GIT2: variants seen among roughly 807,000 people sequenced by gnomAD.
The protein encoded by GIT2 is ARF GTPase-activating protein GIT2.
In GIT2, 32 loss-of-function variants were observed where a neutral mutation model predicts 100.3. The observed-to-expected ratio is 0.32, with a 90% CI of 0.24 to 0.43. The LOEUF (loss-of-function observed/expected upper bound fraction) is 0.43. Ranked by LOEUF, GIT2 falls within the 20% of genes least tolerant of loss-of-function variation. The pLI, the probability that GIT2 is intolerant of heterozygous loss-of-function variation, is 1.00. For missense variants in GIT2, 737 were observed against 975.1 expected, an observed-to-expected ratio of 0.76 and a Z score of 3.25; for synonymous variants, 353 against 364.1, an observed-to-expected ratio of 0.97 and a Z score of 0.35.
chr12:109,996,262 G>A lies in GIT2; in HGVS notation c.-38C>T, dbSNP rs190350571. On this transcript the variant is annotated 5_prime_UTR_variant, in exon 1 of 20. Transcript: ENST00000355312. ...CCACCTGCGGGGAACTAGAGGCCGG[G>A]GGACAGCAAAGGCGGCGGTGGCGGC... is the stretch of plus-strand genomic sequence containing the variant. The A allele has an allele frequency of 9.3e-5, 137 of 1,467,186 alleles. No individual in the cohort carries two copies. The East Asian group carries it at 2.9e-3, about 31-fold the overall frequency. The allele number at this position is 1,467,186 out of a possible 1,614,324, so 90.9% of individuals were successfully genotyped here.
chr12:109,933,048 T>A lies in GIT2; in HGVS notation c.2210A>T (p.Gln737Leu). The A allele has an allele frequency of 6.2e-7, 1 of 1,613,652 alleles. No individual in the cohort carries two copies. Among genetic ancestry groups the A allele is most frequent in the Non-Finnish European group, 8.5e-7 (1 of 1,179,510 alleles). ...DVQLVTQQVI[Q>L]CAYDIAKAAK... ...AGCCTTGGCGATGTCGTACGCACAC[T>A]GGATGACCTGCTGCGTGACCAGCTG... is the stretch of plus-strand genomic sequence containing the variant. The change falls in exon 20 of 20, where the codon CAG becomes CTG. Residue 737 changes from glutamine to leucine, a missense_variant. Transcript: ENST00000355312. This position sits in a 1 kb window ranked among gnomAD's most constrained non-coding sequence, Gnocchi z 4.5.
In GIT2 at chr12:109,945,286, A is replaced by G. The variant is rs1308406773; in HGVS notation, c.1705T>C (p.Trp569Arg). Reference sequence around the variant, plus strand: ...CTTCGGGCGCTTTCGTCCCTCGACCAGGAAAGTGTGGAGGGGAAGGAAGGC... The same window carrying G: ...CTTCGGGCGCTTTCGTCCCTCGACCGGGAAAGTGTGGAGGGGAAGGAAGGC... ...SLPSFPSTLS[W>R]SRDESARRAS... The change falls in exon 16 of 20, where the codon TGG becomes CGG. Residue 569 changes from tryptophan (W) to arginine (R), a missense_variant. By Grantham distance (101) the Trp-to-Arg change is moderately radical. Around this residue, in one of 3 missense-constraint regions of GIT2, gnomAD observed 451 missense variants for 543.7 expected, o/e 0.83. Coordinates refer to ENST00000355312, the MANE Select transcript of GIT2 (RefSeq NM_057169.5). The G allele has an allele frequency of 1.3e-6, 2 of 1,575,656 alleles. No individual in the cohort carries two copies. The highest frequency in any genetic ancestry group is 1.7e-5 in the Admixed American group (1 of 59,896).
intron 1 of GIT2, 124 bp downstream of exon 1, chr12:109,996,049 C>T: frequency 1.6e-6 from 1 of 611,526 alleles, no homozygotes; most frequent in South Asian, 2.3e-5. Flanking sequence ...CACCCCAAGG[C>T]CGCCCAGGGA....
chr12:109,984,933 T>C (rs1189695212), intron 4 of GIT2, among the ~76,000 whole-genome samples: 1 of 152,182 alleles, frequency 6.6e-6, no homozygotes, highest in African/African-American at 2.4e-5. Flanking sequence ...ATTCTTGGCC[T>C]GTATAATATG....
chr12:109,996,175 G>A lies in GIT2; in HGVS notation c.50C>T (p.Pro17Leu). Residue 17 changes from proline to leucine, a missense_variant and splice_region_variant, in exon 1 of 20, where the codon CCG becomes CTG. Around this residue, in one of 3 missense-constraint regions of GIT2, gnomAD observed 266 missense variants for 376.2 expected, o/e 0.71. Coordinates refer to ENST00000355312, the MANE Select transcript of GIT2 (RefSeq NM_057169.5). The stretch of plus-strand genomic sequence containing the variant: ...CGGGCCCGGCCGGTGCGACTCACCC[G>A]GCCCGCTGCAGTCAGCGCACACCTC... ...SSEVCADCSG[P>L]DPSWASVNRG... 2.6e-6 allele frequency: 4 copies of A among 1,519,786 alleles called. No homozygotes were observed. The highest frequency in any genetic ancestry group is 1.7e-4 in the Middle Eastern group (1 of 5,834). 94.1% of individuals were successfully genotyped at this position (1,519,786 alleles called of 1,614,324 possible). A position where few individuals can be genotyped will look rare whatever the true frequency, so the allele number is the denominator to read the frequency against.
upstream of GIT2, chr12:109,999,125 C>G (rs1390074414): frequency 6.6e-6 from 1 of 152,312 alleles, no homozygotes; most frequent in African/African-American, 2.4e-5. This position sits in a 1 kb window ranked among gnomAD's most constrained non-coding sequence, Gnocchi z 4.3. Flanking sequence ...TGGTCCGGGG[C>G]TCAGTTGTCA....
In GIT2 at chr12:109,996,331, G is replaced by T; in HGVS notation, c.-107C>A. 1.3e-6 allele frequency: 1 copy of T among 743,368 alleles called. No homozygotes were observed. 46.0% of individuals were successfully genotyped at this position (743,368 alleles called of 1,614,324 possible). On this transcript the variant is annotated 5_prime_UTR_variant, in exon 1 of 20. Transcript: ENST00000355312. ...GGTCCCAGCTGCGGCGGCGCTGACG[G>T]CGGCGCCTCTCCCCTCAGCGCCTTG... is the stretch of plus-strand genomic sequence containing the variant.
At chr12:109,944,194 T>TA (rs964369827) in intron 16 of GIT2, among the ~76,000 whole-genome samples, 1 of 151,834 alleles carries the variant, frequency 6.6e-6, no homozygotes, top group African/African-American at 2.4e-5. Flanking sequence ...AAATAAAAAA[T>TA]AAAAAAACGA....
chr12:109,965,804 A>C (rs754863314), intron 8 of GIT2: 1 of 676,480 alleles, frequency 1.5e-6, no homozygotes, highest in South Asian at 1.4e-5. Flanking sequence ...AAGAGGAAAA[A>C]AAAATCGTCC....
chr12:109,959,890 G>A lies in GIT2; in HGVS notation c.1056C>T (p.Asp352=), dbSNP rs750250649. Residue 352 remains aspartate, a synonymous_variant, in exon 12 of 20, where the codon GAC becomes GAT. Coordinates refer to ENST00000355312, the MANE Select transcript of GIT2 (RefSeq NM_057169.5). ...AACTGCCCTGCTGTCTCCTCTTGGC[G>A]TCACTGAGAATGTCAATGACCAGCG... The part of the protein sequence containing the change: ...FATLVIDILS[D]AKRRQQGSSL... 17 of 1,613,558 alleles carry A rather than the reference G, an allele frequency of 1.1e-5. No individual in the cohort carries two copies. Among genetic ancestry groups the A allele is most frequent in the South Asian group, 8.8e-5 (8 of 91,058 alleles).
chr12:109,960,823 A>T (rs766052876), intron 11 of GIT2, among the ~76,000 whole-genome samples: 26 of 152,178 alleles, frequency 1.7e-4, no homozygotes, highest in Admixed American at 7.2e-4. Flanking sequence ...TCCCATGTAA[A>T]AGGATGTACT....
At chr12:109,995,606 T>C (rs923502158) in intron 1 of GIT2, among the ~76,000 whole-genome samples, 5 of 152,130 alleles carry the variant, frequency 3.3e-5, no homozygotes, top group African/African-American at 1.2e-4. Flanking sequence ...ATCCTCAAAC[T>C]TGAGACAAGC....
At chr12:109,996,721 G>A (rs768822304), upstream of GIT2, among the ~76,000 whole-genome samples, 3 of 152,212 alleles carry the variant, frequency 2.0e-5, no homozygotes, top group Non-Finnish European at 4.4e-5. Context: ...AGTGAGCAAA[G>A]ACTGAATTTC....
rs147269746 is a variant in GIT2 at position 109,989,779 on chromosome 12, G to A, written c.210C>T (p.Asn70=). The A allele has an allele frequency of 2.9e-4, 459 of 1,597,160 alleles. 2 individuals carry two copies. The East Asian group carries it at 9.1e-3, about 32-fold the overall frequency. ...AATGCTCCCATATAGAGTTAGCACCGTTATTATACAAGGTCTCAACCATCT... is the reference window on the plus strand; with the variant it reads ...AATGCTCCCATATAGAGTTAGCACCATTATTATACAAGGTCTCAACCATCT... ...LLQMVETLYN[N]GANSIWEHSL... The change falls in exon 3 of 20, where the codon AAC becomes AAT. Residue 70 remains asparagine, a synonymous_variant. Coordinates refer to ENST00000355312, the MANE Select transcript of GIT2 (RefSeq NM_057169.5).
upstream of GIT2, chr12:109,998,996 A>T (rs1889789898): frequency 6.6e-6 from 1 of 152,296 alleles, no homozygotes; most frequent in African/African-American, 2.4e-5. Flanking sequence ...GCCAGGGTTT[A>T]GCGTTCCTCC....
At chr12:109,988,848 CAAAAA>C (rs59956597) in intron 4 of GIT2, 110 bp downstream of exon 4, 1,300 of 203,764 alleles carry the variant, frequency 6.4e-3, no homozygotes, top group South Asian at 7.0e-3. Flanking sequence ...GACTCTGTCT[CAAAAA>C]AAAAAAAAAA....
intron 11 of GIT2, among the ~76,000 whole-genome samples, chr12:109,960,184 T>C (rs920307986): frequency 3.3e-5 from 5 of 152,190 alleles, no homozygotes; most frequent in African/African-American, 4.8e-5. Flanking sequence ...TGTTATGGCA[T>C]TTCTCACATA....
rs1480905732 is a variant in GIT2, at chr12:109,981,046, C to A, written c.624G>T (p.Arg208Ser). 3.7e-6 allele frequency: 6 copies of A among 1,600,052 alleles called. No homozygotes were observed. Among genetic ancestry groups the A allele is most frequent in the Non-Finnish European group, 5.1e-6 (6 of 1,167,114 alleles). ...CTGCCAGCTCATGGTGCCCTCCTTG[C>A]CTACCAAGAGAAAACAAAGTACCAT... ...SSGKTPVDYA[R>S]QGGHHELAER... The change falls in exon 7 of 20, where the codon AGG (arginine) becomes AGT (serine). Residue 208 changes from arginine to serine, a missense_variant and splice_region_variant. Arg to Ser is a moderately radical substitution (Grantham distance 110, BLOSUM62 -1). Around this residue, in one of 3 missense-constraint regions of GIT2, gnomAD observed 266 missense variants for 376.2 expected, o/e 0.71. Coordinates refer to ENST00000355312, the MANE Select transcript of GIT2 (RefSeq NM_057169.5).
chr12:109,987,618 A>T (rs1014373562), intron 4 of GIT2, among the ~76,000 whole-genome samples: 9 of 151,626 alleles, frequency 5.9e-5, no homozygotes, highest in African/African-American at 1.9e-4. Context: ...AGGCACGGCC[A>T]CCATACCCGG....
Sources: gnomAD v4.1 joint callset for allele counts (sites outside exome capture counted in the v4.1 genomes callset) on GRCh38, gnomAD v4.1.1 for gene constraint, gnomAD v4.1.1 regional missense constraint, Gnocchi (gnomAD v3.1) non-coding constraint, MANE v1.5 for transcripts, NCBI Gene and HGNC (gene_info 2026-07-23, HGNC 2026-07-21) for gene names.